Variants in SLC30A8 observed in about 807,000 individuals in gnomAD.
The protein encoded by SLC30A8 is solute carrier family 30 member 8.
SLC30A8 carries 27 observed loss-of-function variants against 36.9 expected under a neutral mutation model. The ratio of observed to expected loss-of-function variants is 0.73; its 90% CI spans 0.54 to 1.01. The LOEUF is 1.01. Among genes scored for constraint, SLC30A8 ranks in the 50% least tolerant of loss-of-function variants. The pLI is 0.00. For synonymous variants in SLC30A8, 164 were observed against 172.4 expected (o/e 0.95, Z 0.38); for missense variants, 439 against 452.0 (o/e 0.97, Z 0.26).
chr8:117,001,333 G>T (rs554732505), intron 1 of SLC30A8, among the ~76,000 whole-genome samples: 2 of 149,584 alleles, frequency 1.3e-5, no homozygotes, highest in East Asian at 2.0e-4. Context: ...TTGATATCAC[G>T]CAAGGCAGAC....
chr8:117,095,859 C>A (rs768651840), intron 2 of SLC30A8, among the ~76,000 whole-genome samples: 44 of 152,158 alleles, frequency 2.9e-4, no homozygotes, highest in Non-Finnish European at 5.6e-4. Flanking sequence ...TATATAATTA[C>A]AAACTGTATT....
At chr8:116,993,912 G>T (rs897223473) in intron 1 of SLC30A8, among the ~76,000 whole-genome samples, 6 of 151,670 alleles carry the variant, frequency 4.0e-5, no homozygotes, top group Non-Finnish European at 5.9e-5. Flanking sequence ...AAAATATTAG[G>T]TTTAATAGAA....
intron 1 of SLC30A8, among the ~76,000 whole-genome samples, chr8:117,038,160 A>G (rs1817274192): frequency 6.6e-6 from 1 of 152,172 alleles, no homozygotes; most frequent in African/African-American, 2.4e-5. Flanking sequence ...ACTAATATGG[A>G]TACTCGGTAA....
rs1274013647 is a variant in SLC30A8 at position 117,073,895 on chromosome 8, C to T, written c.-226+34637C>T. On this transcript the variant is annotated intron_variant, in intron 2 of 10. Coordinates refer to the SLC30A8 transcript ENST00000427715. Reference sequence around the variant, plus strand: ...CCACAAATAATTCATAGGGTTGATACGTGGGACCTGACAGTCTACTCATTC... The same window carrying T: ...CCACAAATAATTCATAGGGTTGATATGTGGGACCTGACAGTCTACTCATTC... Among the ~76,000 whole-genome samples the T allele has an allele frequency of 8.6e-5, 13 of 152,018 alleles. No individual in the cohort carries two copies. The East Asian group carries it at 2.3e-3, about 27-fold the overall frequency.
intron 1 of SLC30A8, among the ~76,000 whole-genome samples, chr8:117,028,393 T>C (rs1311452777): frequency 6.6e-6 from 1 of 152,098 alleles, no homozygotes; most frequent in Admixed American, 6.5e-5. Context: ...ACAAAAAGGG[T>C]AAGAAGTACA....
chr8:117,107,473 C>T (rs1215901254), intron 2 of SLC30A8, among the ~76,000 whole-genome samples: 1 of 152,150 alleles, frequency 6.6e-6, no homozygotes, highest in African/African-American at 2.4e-5. Context: ...TTGCCAACAA[C>T]AGATTTTCTG....
In SLC30A8 at chr8:117,092,848, C is replaced by T. The variant is rs1051314579; in HGVS notation, c.-225-42432C>T. Among the ~76,000 whole-genome samples, 7 of 152,168 alleles carry T rather than the reference C, an allele frequency of 4.6e-5. No individual in the cohort carries two copies. In the South Asian group the frequency reaches 6.2e-4, roughly 14 times the overall value. ...AAAGCTGTGCTGTGCCTCCTTGCTT[C>T]GGACTGGAGTGAGAGTCAACTTATT... is the stretch of plus-strand genomic sequence containing the variant. On this transcript the variant is annotated intron_variant, in intron 2 of 10. Transcript: ENST00000427715.
chr8:117,131,430 A>C (rs996502403), upstream of SLC30A8, among the ~76,000 whole-genome samples: 1 of 151,998 alleles, frequency 6.6e-6, no homozygotes, highest in African/African-American at 2.4e-5. Flanking sequence ...GGGTGATTAC[A>C]CTGGTTGAGT....
chr8:117,077,804 G>T (rs1818537120), intron 2 of SLC30A8, among the ~76,000 whole-genome samples: 1 of 152,122 alleles, frequency 6.6e-6, no homozygotes, highest in Non-Finnish European at 1.5e-5. Flanking sequence ...CAGATTATTG[G>T]CAATCTTTCT....
At chr8:117,123,222 G>C (rs1446996540) in intron 2 of SLC30A8, among the ~76,000 whole-genome samples, 2 of 151,900 alleles carry the variant, frequency 1.3e-5, no homozygotes, top group East Asian at 3.9e-4. Context: ...GCGACAGACA[G>C]GATGTGTCTA....
intron 1 of SLC30A8, among the ~76,000 whole-genome samples, chr8:117,022,204 A>G (rs1816720990): frequency 6.6e-6 from 1 of 152,000 alleles, no homozygotes; most frequent in South Asian, 2.1e-4. Context: ...CGTCTCAAAA[A>G]AAAAAAAAGA....
chr8:117,123,682 A>G (rs1429779947), intron 2 of SLC30A8, among the ~76,000 whole-genome samples: 1 of 152,082 alleles, frequency 6.6e-6, no homozygotes, highest in African/African-American at 2.4e-5. Flanking sequence ...GTAAGTGTAT[A>G]ATTCAATGAT....
At chr8:117,138,657 T>A (rs1821482212) in intron 1 of SLC30A8, among the ~76,000 whole-genome samples, 1 of 151,974 alleles carries the variant, frequency 6.6e-6, no homozygotes, top group African/African-American at 2.4e-5. Flanking sequence ...GGGTATAATC[T>A]CTAGCCCAGG....
intron 1 of SLC30A8, among the ~76,000 whole-genome samples, chr8:117,026,479 A>G (rs1816876740): frequency 6.6e-6 from 1 of 152,184 alleles, no homozygotes; most frequent in Non-Finnish European, 1.5e-5. Flanking sequence ...CAATACTCAA[A>G]CTAATCTCAC....
intron 2 of SLC30A8, among the ~76,000 whole-genome samples, chr8:117,078,066 A>G (rs997217210): frequency 2.0e-5 from 3 of 152,208 alleles, no homozygotes; most frequent in Non-Finnish European, 4.4e-5. Flanking sequence ...TTTCTCTTAC[A>G]TTTTCCTTTT....
intron 1 of SLC30A8, among the ~76,000 whole-genome samples, chr8:116,955,139 G>A (rs1259200776): frequency 2.0e-5 from 3 of 152,212 alleles, no homozygotes; most frequent in Non-Finnish European, 4.4e-5. Context: ...GGAACAATTT[G>A]AAATAGCTGG....
intron 2 of SLC30A8, among the ~76,000 whole-genome samples, chr8:117,119,213 A>G (rs1047029480): frequency 1.3e-5 from 2 of 151,956 alleles, no homozygotes; most frequent in East Asian, 3.9e-4. Context: ...CAATCATCTC[A>G]GAGATCCATT....
rs1823686293 is a variant in SLC30A8, at chr8:117,176,355, C to A, written c.*3674C>A. The A allele has an allele frequency of 6.6e-6, 1 of 152,496 alleles. No homozygotes were observed. The highest frequency in any genetic ancestry group is 6.6e-5 in the Admixed American group (1 of 15,236). The allele number at this position is 152,496 out of a possible 1,614,324, so 9.4% of individuals were successfully genotyped here. Reference sequence around the variant, plus strand: ...CAAGCCTCATTTTCCACAATTAGCTCTAAAGTGCCTCCAGGAAATGATTTT... The same window carrying A: ...CAAGCCTCATTTTCCACAATTAGCTATAAAGTGCCTCCAGGAAATGATTTT... On this transcript the variant is annotated 3_prime_UTR_variant, in exon 8 of 8. Transcript: ENST00000456015.
chr8:117,023,656 G>T (rs994830168), intron 1 of SLC30A8, among the ~76,000 whole-genome samples: 4 of 148,834 alleles, frequency 2.7e-5, no homozygotes, highest in African/African-American at 9.9e-5. Flanking sequence ...TCACTCATAG[G>T]TGGGAATTGA....
Sources: allele counts gnomAD v4.1 joint callset (sites outside exome capture counted in the v4.1 genomes callset), GRCh38; gene constraint gnomAD v4.1.1; transcripts MANE v1.5; gene names NCBI Gene and HGNC (gene_info 2026-07-23, HGNC 2026-07-21).